The following PI4KA variants were observed in gnomAD, a reference collection of about 807,000 sequenced individuals.
PI4KA encodes PI4-kinase alpha.
PI4KA carries 122 observed loss-of-function variants against 271.4 expected under a neutral mutation model. The ratio of observed to expected loss-of-function variants is 0.45; its 90% CI spans 0.39 to 0.52. PI4KA has a LOEUF of 0.52. PI4KA is among the 20% of genes least tolerant of loss of function. The probability of loss-of-function intolerance (pLI) is 0.00; values close to 1 mark genes in which losing one functional copy is unlikely to be tolerated. For synonymous variants in PI4KA, 1,041 were observed against 1,078.8 expected, an observed-to-expected ratio of 0.96 and a Z score of 0.69; for missense variants, 1,969 against 2,769.1, an observed-to-expected ratio of 0.71 and a Z score of 6.48.
chr22:20,814,700 G>T (rs1921533964), intron 7 of PI4KA, among the ~76,000 whole-genome samples: 1 of 151,308 alleles, frequency 6.6e-6, no homozygotes. Flanking sequence ...GTGGAGCTAT[G>T]AATTTGTCAC....
intron 19 of PI4KA, among the ~76,000 whole-genome samples, chr22:20,792,217 A>G (rs1457844192): frequency 6.6e-6 from 1 of 152,222 alleles, no homozygotes; most frequent in African/African-American, 2.4e-5. Flanking sequence ...ACTATTTTTC[A>G]TCTACCTCGG....
chr22:20,857,382 C>G lies in PI4KA; in HGVS notation c.156+1188G>C, dbSNP rs572237148. On this transcript the variant is annotated intron_variant, in intron 1 of 54. Transcript: ENST00000255882. Reference sequence around the variant, plus strand: ...TGATAAAATCAAATATGAGAACCGACAAGGCCAAGGACCAGGTCACTCTGC... The same window carrying G: ...TGATAAAATCAAATATGAGAACCGAGAAGGCCAAGGACCAGGTCACTCTGC... Among the ~76,000 whole-genome samples the G allele has an allele frequency of 6.0e-4, 91 of 152,326 alleles. 1 individual carries two copies. The South Asian group carries it at 0.011, about 19-fold the overall frequency.
chr22:20,757,746 G>C (rs533758871), intron 23 of PI4KA, among the ~76,000 whole-genome samples: 2 of 152,250 alleles, frequency 1.3e-5, no homozygotes, highest in African/African-American at 4.8e-5. Context: ...GTTTCATCAT[G>C]TTGGCCAGGC....
intron 50 of PI4KA, 48 bp downstream of exon 50, chr22:20,712,438 G>T (rs773878399): frequency 6.3e-7 from 1 of 1,598,402 alleles, no homozygotes; most frequent in Non-Finnish European, 8.5e-7. Context: ...TGGCTGGGGT[G>T]GGGTGGAGCA....
intron 1 of PI4KA, among the ~76,000 whole-genome samples, chr22:20,839,891 C>G (rs892080099): frequency 6.6e-6 from 1 of 151,876 alleles, no homozygotes; most frequent in African/African-American, 2.4e-5. Flanking sequence ...AGTAAATGCT[C>G]AATAAACATT....
intron 17 of PI4KA, among the ~76,000 whole-genome samples, chr22:20,796,875 T>C (rs923292656): frequency 6.6e-6 from 1 of 152,354 alleles, no homozygotes; most frequent in South Asian, 2.1e-4. Flanking sequence ...ACCCCGGATG[T>C]GAAGCTGACA....
chr22:20,850,762 T>A (rs1180558430), intron 1 of PI4KA, among the ~76,000 whole-genome samples: 1 of 152,078 alleles, frequency 6.6e-6, no homozygotes, highest in Non-Finnish European at 1.5e-5. Context: ...AAATTTTCGC[T>A]GGGTACAGTG....
At chr22:20,838,394 C>T (rs932606978) in intron 2 of PI4KA, among the ~76,000 whole-genome samples, 2 of 152,060 alleles carry the variant, frequency 1.3e-5, no homozygotes, top group Non-Finnish European at 1.5e-5. Flanking sequence ...TTTTTTACAA[C>T]ATAATATATG....
At chr22:20,830,171 T>A (rs747964662) in intron 3 of PI4KA, among the ~76,000 whole-genome samples, 8 of 152,200 alleles carry the variant, frequency 5.3e-5, no homozygotes, top group Non-Finnish European at 8.8e-5. Context: ...AAGTGTCGAG[T>A]TTAAATCCTG....
chr22:20,790,678 T>TAAAAAA (rs1186437891), intron 19 of PI4KA, among the ~76,000 whole-genome samples: 2 of 113,256 alleles, frequency 1.8e-5, no homozygotes, highest in South Asian at 2.8e-4. Context: ...AAAATAAAAA[T>TAAAAAA]AAAAAAATTT....
intron 1 of PI4KA, among the ~76,000 whole-genome samples, chr22:20,857,109 A>G (rs901763594): frequency 3.9e-5 from 6 of 152,190 alleles, no homozygotes; most frequent in Non-Finnish European, 7.3e-5. Context: ...TTAGGTACCC[A>G]CGTGCCTTTT....
chr22:20,834,757 A>C lies in PI4KA; in HGVS notation c.274-102T>G, dbSNP rs149645947. 4,396 of 694,990 alleles carry C rather than the reference A, an allele frequency of 6.3e-3. 34 individuals are homozygous for C. Among genetic ancestry groups the C allele is most frequent in the Middle Eastern group, 0.017 (46 of 2,780 alleles). 43.1% of individuals were successfully genotyped at this position (694,990 alleles called of 1,614,324 possible). ...CCAAAGCAAAGCATATCCACATCCT[A>C]ATCATCTCAGAGATTCTCCAGGGAT... is the stretch of plus-strand genomic sequence containing the variant. On this transcript the variant is annotated intron_variant, in intron 2 of 54. Transcript: ENST00000255882.
intron 18 of PI4KA, 95 bp from the exon 19 acceptor site, chr22:20,793,338 G>T (rs1934771133): frequency 1.4e-6 from 1 of 723,432 alleles, no homozygotes; most frequent in Admixed American, 2.1e-5. Context: ...TGTAAACCTG[G>T]AATGTCTTAA....
intron 42 of PI4KA, 129 bp from the exon 43 acceptor site, chr22:20,721,547 G>T: frequency 1.1e-6 from 1 of 914,304 alleles, no homozygotes; most frequent in Non-Finnish European, 1.7e-6. Context: ...TAGTGGTGTG[G>T]ACAAGCTCTC....
At position 20,760,925 on chromosome 22, in the gene PI4KA, G is replaced by C. The variant is rs181547094; in HGVS notation, c.2791+379C>G. On this transcript the variant is annotated intron_variant, in intron 23 of 54. Transcript: ENST00000255882. ...GCGATCCTCCCACTCAGCCTCCCAA[G>C]TAACTTGGGACTACAGGCACAAACT... Among the ~76,000 whole-genome samples the C allele has an allele frequency of 1.7e-3, 259 of 152,284 alleles. 2 individuals are homozygous for C. The highest frequency in any genetic ancestry group is 6.0e-3 in the African/African-American group (249 of 41,562).
chr22:20,711,311 G>A (rs1010853830), intron 51 of PI4KA, 30 bp downstream of exon 51: 1 of 1,342,408 alleles, frequency 7.4e-7, no homozygotes, highest in East Asian at 2.6e-5. Context: ...GGGGTGAAGG[G>A]AGAGGAGGGT....
At chr22:20,837,162 G>A (rs1030319533) in intron 2 of PI4KA, among the ~76,000 whole-genome samples, 2 of 152,196 alleles carry the variant, frequency 1.3e-5, no homozygotes, top group Non-Finnish European at 1.5e-5. Flanking sequence ...GCCTAGGCAC[G>A]AGGATCACTT....
intron 42 of PI4KA, chr22:20,726,241 C>G: frequency 2.5e-6 from 1 of 395,174 alleles, no homozygotes; most frequent in Non-Finnish European, 4.5e-6. Flanking sequence ...CCTAGCCAGG[C>G]TGGCAACAGC....
intron 50 of PI4KA, 86 bp from the exon 51 acceptor site, chr22:20,711,547 T>C (rs1171232305): frequency 4.4e-6 from 5 of 1,127,936 alleles, no homozygotes; most frequent in Non-Finnish European, 5.2e-6. Context: ...CCTGGGCCTG[T>C]GGGCACTCTC....
Sources: gnomAD v4.1 joint callset for allele counts (sites outside exome capture counted in the v4.1 genomes callset) on GRCh38, gnomAD v4.1.1 for gene constraint, MANE v1.5 for transcripts, NCBI Gene and HGNC (gene_info 2026-07-23, HGNC 2026-07-21) for gene names.